IAH1: variants seen among roughly 807,000 people sequenced by gnomAD.
IAH1 encodes the protein isoamyl acetate hydrolyzing esterase 1 (putative).
In IAH1, 24 loss-of-function variants were observed where a neutral mutation model predicts 26.7. The observed-to-expected ratio is 0.90, with a 90% CI of 0.65 to 1.26. The LOEUF (loss-of-function observed/expected upper bound fraction) is 1.26. IAH1 is among the 50% of genes most tolerant of loss of function. The pLI, the probability that IAH1 is intolerant of heterozygous loss-of-function variation, is 0.00. For missense variants in IAH1, 300 were observed against 299.9 expected (o/e 1.00, Z 0.00); for synonymous variants, 140 against 118.5 (o/e 1.18, Z -1.18).
Position 9,488,128 on chromosome 2 carries a change from C to A in IAH1, c.565-19C>A. ...ACGTGGCCAGTTACCCACCTTTAACCGATTTCTCTCCCTTCTAGGACTTCT... is the reference window on the plus strand; with the variant it reads ...ACGTGGCCAGTTACCCACCTTTAACAGATTTCTCTCCCTTCTAGGACTTCT... On this transcript the variant is annotated intron_variant, in intron 5 of 5. Transcript: ENST00000497473. 6.4e-7 allele frequency: 1 copy of A among 1,562,376 alleles called. No homozygotes were observed. Among genetic ancestry groups the A allele is most frequent in the Non-Finnish European group, 8.7e-7 (1 of 1,155,504 alleles).
intron 4 of IAH1, among the ~76,000 whole-genome samples, chr2:9,482,087 A>C (rs1160847545): frequency 2.1e-5 from 3 of 143,236 alleles, no homozygotes; most frequent in Non-Finnish European, 4.5e-5. Context: ...GCTGGAGTGC[A>C]GTGGCACGAT....
chr2:9,495,638 C>T (rs571195833), intron 6 of IAH1, among the ~76,000 whole-genome samples: 33 of 150,424 alleles, frequency 2.2e-4, no homozygotes, highest in African/African-American at 7.4e-4. Context: ...CACTTGAACC[C>T]GGGAGGCGGA....
the IAH1 span, among the ~76,000 whole-genome samples, chr2:9,511,825 G>C: frequency 1.3e-5 from 2 of 151,892 alleles, no homozygotes; most frequent in African/African-American, 4.8e-5. Context: ...ATAAAACCTA[G>C]CCAGGCATTG....
At chr2:9,486,122 T>C (rs1386246303) in intron 5 of IAH1, 2 of 152,316 alleles carry the variant, frequency 1.3e-5, no homozygotes, top group African/African-American at 4.8e-5. Context: ...GACCTACACA[T>C]TTATTATCCA....
chr2:9,494,870 C>T, intron 6 of IAH1: 2 of 1,427,616 alleles, frequency 1.4e-6, no homozygotes, highest in Non-Finnish European at 1.9e-6. Flanking sequence ...GGTAAGAAAT[C>T]ACATTTATTT....
At chr2:9,494,203 A>C (rs1662380585), downstream of IAH1, among the ~76,000 whole-genome samples, 1 of 152,196 alleles carries the variant, frequency 6.6e-6, no homozygotes, top group Non-Finnish European at 1.5e-5. Context: ...TGCATGAGAA[A>C]AATTATGCTT....
chr2:9,476,210 C>T (rs1660779828), intron 2 of IAH1, among the ~76,000 whole-genome samples, 171 bp downstream of exon 2: 1 of 152,236 alleles, frequency 6.6e-6, no homozygotes, highest in Non-Finnish European at 1.5e-5. Flanking sequence ...TTCACTCAGT[C>T]TGACCAATTA....
rs1349716547 is a variant in IAH1, at chr2:9,489,410, C to T, written c.*1081C>T. The T allele has an allele frequency of 6.8e-6, 1 of 148,084 alleles. No homozygotes were observed. The highest frequency in any genetic ancestry group is 1.5e-5 in the Non-Finnish European group (1 of 67,064). The allele number at this position is 148,084 out of a possible 1,614,324, so 9.2% of individuals were successfully genotyped here. On this transcript the variant is annotated 3_prime_UTR_variant, in exon 6 of 6. Transcript: ENST00000497473. The stretch of plus-strand genomic sequence containing the variant: ...TAGTGAATTTTCTAAGAGCATGTAT[C>T]CCTATCAGTAACAGGGATACATGAA...
intron 5 of IAH1, 140 bp downstream of exon 5, chr2:9,484,690 G>C (rs79140015): frequency 1.6e-6 from 1 of 610,746 alleles, no homozygotes; most frequent in South Asian, 2.0e-5. Flanking sequence ...AAACAGGCTT[G>C]GGGGAGGGGA....
chr2:9,475,168 C>T (rs1558472807), intron 1 of IAH1: 1 of 1,288,298 alleles, frequency 7.8e-7, no homozygotes, highest in Non-Finnish European at 1.0e-6. Flanking sequence ...ACCATCCGTT[C>T]ATCCAAGATC....
At chr2:9,491,507 C>CAGG (rs1662147921), downstream of IAH1, among the ~76,000 whole-genome samples, 1 of 152,186 alleles carries the variant, frequency 6.6e-6, no homozygotes, top group Admixed American at 6.5e-5. Context: ...ACACCAGGAC[C>CAGG]GCACTGACTG....
At chr2:9,475,813 T>G in intron 1 of IAH1, 174 bp from the exon 2 acceptor site, 2 of 625,070 alleles carry the variant, frequency 3.2e-6, no homozygotes, top group Non-Finnish European at 5.8e-6. Context: ...AATCCCCCTC[T>G]GCTAAAGTGC....
At chr2:9,483,174 TTTTTA>T (rs1661281984) in intron 4 of IAH1, among the ~76,000 whole-genome samples, 1 of 152,248 alleles carries the variant, frequency 6.6e-6, no homozygotes, top group Non-Finnish European at 1.5e-5. Flanking sequence ...CAATGCAGAC[TTTTTA>T]AAAGGTCAGT....
At chr2:9,491,137 A>T (rs765883520), downstream of IAH1, 35 of 1,613,088 alleles carry the variant, frequency 2.2e-5, no homozygotes, top group Non-Finnish European at 2.8e-5. Context: ...CATACTGTTT[A>T]TCCAATTTCT....
intron 1 of IAH1, chr2:9,475,693 G>A: frequency 2.3e-6 from 1 of 429,562 alleles, no homozygotes; most frequent in South Asian, 2.6e-5. Flanking sequence ...TAGAGACGGG[G>A]TTTCGCCATG....
At chr2:9,502,879 C>CA in the IAH1 span, among the ~76,000 whole-genome samples, 4,464 of 43,458 alleles carry the variant, frequency 0.1, 790 homozygotes, top group African/African-American at 0.34. Context: ...AATTCTGTCT[C>CA]AAAAAAAAAA....
At position 9,474,807 on chromosome 2, in the gene IAH1, T is replaced by G; in HGVS notation, c.81+160T>G. 2 of 543,940 alleles carry G rather than the reference T, an allele frequency of 3.7e-6. No individual in the cohort carries two copies. Among genetic ancestry groups the G allele is most frequent in the Non-Finnish European group, 2.9e-6 (1 of 348,638 alleles). 33.7% of individuals were successfully genotyped at this position (543,940 alleles called of 1,614,324 possible). On this transcript the variant is annotated intron_variant, in intron 1 of 5. Coordinates refer to ENST00000497473, the MANE Select transcript of IAH1 (RefSeq NM_001039613.3). The surrounding 1 kb of genome is among the most constrained non-coding windows in gnomAD (Gnocchi z 4.3). ...ACCGGAGGAGTGGCGGGTCCCCCAGTGGCTGCGCCTTCCGGGCCCGCGGCG... is the reference window on the plus strand; with the variant it reads ...ACCGGAGGAGTGGCGGGTCCCCCAGGGGCTGCGCCTTCCGGGCCCGCGGCG...
intron 2 of IAH1, among the ~76,000 whole-genome samples, chr2:9,477,802 T>A (rs1314886833): frequency 6.6e-6 from 1 of 151,946 alleles, no homozygotes; most frequent in Non-Finnish European, 1.5e-5. Context: ...AAACCAGAAA[T>A]CTCAAATATT....
Position 9,494,861 on chromosome 2 carries a change from G to A in IAH1, c.*222+1G>A. 6.8e-7 allele frequency: 1 copy of A among 1,469,320 alleles called. No homozygotes were observed. The highest frequency in any genetic ancestry group is 9.2e-7 in the Non-Finnish European group (1 of 1,084,112). 91.0% of individuals were successfully genotyped at this position (1,469,320 alleles called of 1,614,324 possible). ...CCTCCCTGACCATGCTCCCAAAGAG[G>A]TAAGAAATCACATTTATTTTTTATT... is the stretch of plus-strand genomic sequence containing the variant. On this transcript the variant is annotated splice_donor_variant, in intron 6 of 6. Transcript: ENST00000481367. LOFTEE classifies it low-confidence loss of function (3UTR_SPLICE).
Sources: allele counts gnomAD v4.1 joint callset (sites outside exome capture counted in the v4.1 genomes callset), GRCh38; gene constraint gnomAD v4.1.1; non-coding constraint Gnocchi (gnomAD v3.1); transcripts MANE v1.5; gene names NCBI Gene and HGNC (gene_info 2026-07-23, HGNC 2026-07-21).